The following SCFD2 variants were observed in gnomAD, a reference collection of about 807,000 sequenced individuals.
The protein encoded by SCFD2 is sec1 family domain-containing protein 2.
SCFD2 carries 54 observed loss-of-function variants against 58.9 expected under a neutral mutation model. The observed-to-expected ratio is 0.92, with a 90% confidence interval of 0.74 to 1.15. The LOEUF (loss-of-function observed/expected upper bound fraction) is 1.15, where lower values mean the gene tolerates loss of function less well. Among genes scored for constraint, SCFD2 ranks in the 50% most tolerant of loss-of-function variants. The pLI, the probability that SCFD2 is intolerant of heterozygous loss-of-function variation, is 0.00. For synonymous variants in SCFD2, 321 were observed against 335.9 expected, an observed-to-expected ratio of 0.96 and a Z score of 0.49; for missense variants, 805 against 836.6, an observed-to-expected ratio of 0.96 and a Z score of 0.47.
intron 5 of SCFD2, among the ~76,000 whole-genome samples, chr4:53,092,951 G>A (rs1724516080): frequency 6.6e-6 from 1 of 152,136 alleles, no homozygotes; most frequent in Non-Finnish European, 1.5e-5. Flanking sequence ...AGGCTGCTCT[G>A]AAGGAGGTAC....
At chr4:53,290,014 T>C (rs1011159781) in intron 3 of SCFD2, among the ~76,000 whole-genome samples, 6 of 152,078 alleles carry the variant, frequency 3.9e-5, no homozygotes, top group African/African-American at 7.2e-5. Flanking sequence ...AATAAATAGA[T>C]AGCAATACAA....
chr4:52,929,712 T>C (rs1181206596), intron 5 of SCFD2, among the ~76,000 whole-genome samples: 1 of 152,166 alleles, frequency 6.6e-6, no homozygotes, highest in Non-Finnish European at 1.5e-5. Flanking sequence ...ATGCAGGCAC[T>C]GGGACAAGCA....
At chr4:53,092,503 G>C (rs1724501098) in intron 5 of SCFD2, among the ~76,000 whole-genome samples, 1 of 149,290 alleles carries the variant, frequency 6.7e-6, no homozygotes, top group African/African-American at 2.4e-5. Flanking sequence ...AATATTCATA[G>C]TAGCTTTATT....
intron 5 of SCFD2, among the ~76,000 whole-genome samples, chr4:52,933,128 C>A (rs1720039659): frequency 6.6e-6 from 1 of 152,280 alleles, no homozygotes; most frequent in Non-Finnish European, 1.5e-5. Context: ...TTGAAACTCA[C>A]TTAGGCTCAA....
At chr4:53,354,174 CA>C (rs375861804) in intron 1 of SCFD2, among the ~76,000 whole-genome samples, 118 of 152,354 alleles carry the variant, frequency 7.7e-4, no homozygotes, top group African/African-American at 2.4e-3. Flanking sequence ...TAGGAGCCCA[CA>C]GGGGGAAGGG....
At chr4:53,306,858 G>C (rs1416236786) in intron 3 of SCFD2, among the ~76,000 whole-genome samples, 1 of 152,234 alleles carries the variant, frequency 6.6e-6, no homozygotes, top group Non-Finnish European at 1.5e-5. Context: ...TAATCATGAA[G>C]AATCAGATGG....
intron 2 of SCFD2, among the ~76,000 whole-genome samples, chr4:53,331,203 C>A (rs1003673528): frequency 2.0e-5 from 3 of 151,520 alleles, no homozygotes; most frequent in African/African-American, 4.9e-5. Context: ...AGAAAGTCAA[C>A]AAGGATACCC....
At chr4:52,877,316 G>A (rs940813306) in intron 8 of SCFD2, among the ~76,000 whole-genome samples, 13 of 152,152 alleles carry the variant, frequency 8.5e-5, no homozygotes, top group African/African-American at 2.2e-4. Flanking sequence ...GTGGAGGGGT[G>A]AAAAGAAACA....
intron 5 of SCFD2, among the ~76,000 whole-genome samples, chr4:52,953,102 T>C (rs137857047): frequency 6.4e-4 from 98 of 152,326 alleles, no homozygotes; most frequent in African/African-American, 2.2e-3. Context: ...AACACCTAGA[T>C]GGCTCCATTA....
chr4:53,140,288 C>G (rs1452001824), intron 5 of SCFD2, among the ~76,000 whole-genome samples: 1 of 149,462 alleles, frequency 6.7e-6, no homozygotes, highest in African/African-American at 2.5e-5. Flanking sequence ...ATTATTGAAT[C>G]TGTACTGGTC....
intron 4 of SCFD2, among the ~76,000 whole-genome samples, chr4:53,176,128 A>G (rs187068982): frequency 2.1e-3 from 316 of 152,354 alleles, no homozygotes; most frequent in Non-Finnish European, 4.0e-3. Context: ...GGAATGTACC[A>G]TGATAAAAAT....
chr4:53,255,511 G>C lies in SCFD2; in HGVS notation c.1311+18315C>G, dbSNP rs553903885. ...CTGAGTGGACACAGCACATGTTTCA[G>C]AGAGCACAGGGTTGGGGGTAAGGTC... On this transcript the variant is annotated intron_variant, in intron 4 of 8. Transcript: ENST00000401642. 3.9e-5 allele frequency among the ~76,000 whole-genome samples: 6 copies of C among 152,222 alleles called. No homozygotes were observed. The South Asian group carries it at 1.2e-3, about 32-fold the overall frequency.
At chr4:52,883,781 C>T (rs570340158) in intron 8 of SCFD2, among the ~76,000 whole-genome samples, 2 of 152,318 alleles carry the variant, frequency 1.3e-5, no homozygotes, top group African/African-American at 4.8e-5. Context: ...CTTATCACTG[C>T]TGGCAGGGAG....
intron 7 of SCFD2, among the ~76,000 whole-genome samples, chr4:52,906,807 C>T (rs1719358914): frequency 6.6e-6 from 1 of 152,176 alleles, no homozygotes; most frequent in African/African-American, 2.4e-5. Context: ...AAGTGAAATC[C>T]TGGCATGGAC....
intron 7 of SCFD2, among the ~76,000 whole-genome samples, chr4:52,904,006 T>C (rs1719285845): frequency 6.6e-6 from 1 of 152,112 alleles, no homozygotes; most frequent in Admixed American, 6.5e-5. Flanking sequence ...GACAACACTC[T>C]CCTGTATTCT....
intron 3 of SCFD2, among the ~76,000 whole-genome samples, chr4:53,308,860 A>G (rs1732597236): frequency 6.6e-6 from 1 of 152,082 alleles, no homozygotes; most frequent in South Asian, 2.1e-4. Flanking sequence ...GCCGGGAACG[A>G]TGGCTCACGC....
chr4:53,343,470 C>A (rs1279663225), intron 2 of SCFD2, among the ~76,000 whole-genome samples: 2 of 152,014 alleles, frequency 1.3e-5, no homozygotes, highest in Non-Finnish European at 2.9e-5. Flanking sequence ...AATAGCCTAC[C>A]CACCAAAAAA....
At chr4:53,116,136 A>G (rs1273439992) in intron 5 of SCFD2, among the ~76,000 whole-genome samples, 1 of 152,196 alleles carries the variant, frequency 6.6e-6, no homozygotes, top group Non-Finnish European at 1.5e-5. Flanking sequence ...TTGAGCAACC[A>G]GAATAGAAAT....
intron 5 of SCFD2, among the ~76,000 whole-genome samples, chr4:52,938,739 T>C (rs532625974): frequency 8.5e-4 from 129 of 152,340 alleles, no homozygotes; most frequent in Middle Eastern, 6.8e-3. Flanking sequence ...TACTCTTTTG[T>C]TCAACAATCT....
Sources: allele counts gnomAD v4.1 joint callset (sites outside exome capture counted in the v4.1 genomes callset), GRCh38; gene constraint gnomAD v4.1.1; transcripts MANE v1.5; gene names NCBI Gene and HGNC (gene_info 2026-07-23, HGNC 2026-07-21).